The following LAMA2 variants were observed in gnomAD, a reference collection of about 807,000 sequenced individuals.
The protein encoded by LAMA2 is laminin subunit alpha 2.
A neutral mutation model predicts 364.8 loss-of-function variants in LAMA2; 269 were observed. That is an observed-to-expected ratio of 0.74 (90% confidence interval 0.67 to 0.82). The LOEUF is 0.82. Ranked by LOEUF, LAMA2 falls within the 40% of genes least tolerant of loss-of-function variation. The pLI is 0.00. For missense variants in LAMA2, 3,807 were observed against 3,873.2 expected (o/e 0.98, Z 0.45); for synonymous variants, 1,379 against 1,370.6 (o/e 1.01, Z -0.14).
At position 129,339,018 on chromosome 6, in the gene LAMA2, A is replaced by T. The variant is rs140290921; in HGVS notation, c.4312-3325A>T. Among the ~76,000 whole-genome samples, 799 of 152,220 alleles carry T rather than the reference A, an allele frequency of 5.2e-3. 7 individuals are homozygous for T. The highest frequency in any genetic ancestry group is 8.8e-3 in the Non-Finnish European group (598 of 68,010). ...GAAGCTCTTCCTTGCCATGCTAATG[A>T]TTTGTTATTCATCCTGACTGCATTT... On this transcript the variant is annotated intron_variant, in intron 29 of 64. Transcript: ENST00000421865.
At position 129,366,234 on chromosome 6, in the gene LAMA2, G is replaced by T. The variant is rs779858148; in HGVS notation, c.4733G>T (p.Cys1578Phe). ...GWECVFCGDE[C>F]TGLLLGDLAR... Reference sequence around the variant, plus strand: ...TCTTTCACAGTTTGTGGAGATGAGTGCACTGGCCTTCTTCTCGGTGACTTG... The same window carrying T: ...TCTTTCACAGTTTGTGGAGATGAGTTCACTGGCCTTCTTCTCGGTGACTTG... The change falls in exon 33 of 65, where the codon TGC (cysteine) becomes TTC (phenylalanine). Residue 1578 changes from cysteine (C) to phenylalanine (F), a missense_variant. Physicochemically the swap from Cys to Phe is radical, Grantham distance 205 (BLOSUM62 -2). Around this residue, in one of 3 missense-constraint regions of LAMA2, gnomAD observed 3,333 missense variants for 3,345.7 expected, o/e 1.00. Coordinates refer to ENST00000421865, the MANE Select transcript of LAMA2 (RefSeq NM_000426.4). 1 of 1,613,726 alleles carries T rather than the reference G, an allele frequency of 6.2e-7. No individual in the cohort carries two copies. The highest frequency in any genetic ancestry group is 1.1e-5 in the South Asian group (1 of 91,028).
chr6:129,471,764 C>T (rs562844369), intron 51 of LAMA2, among the ~76,000 whole-genome samples: 1 of 152,000 alleles, frequency 6.6e-6, no homozygotes, highest in African/African-American at 2.4e-5. Flanking sequence ...AAAATCTTAA[C>T]TTGCTAGCTA....
intron 8 of LAMA2, among the ~76,000 whole-genome samples, chr6:129,161,665 T>C (rs1009501855): frequency 2.5e-4 from 38 of 152,132 alleles, no homozygotes; most frequent in African/African-American, 9.2e-4. Context: ...CCCACCCTTT[T>C]CAAGCAGGCC....
chr6:129,108,671 G>A (rs1006427648), intron 4 of LAMA2, among the ~76,000 whole-genome samples: 1 of 151,982 alleles, frequency 6.6e-6, no homozygotes, highest in Non-Finnish European at 1.5e-5. Flanking sequence ...AAAGCTAATA[G>A]CAATACAGAA....
chr6:128,905,775 C>A (rs929171055), intron 1 of LAMA2, among the ~76,000 whole-genome samples: 172 of 151,736 alleles, frequency 1.1e-3, no homozygotes, highest in Middle Eastern at 3.4e-3. Flanking sequence ...CCAATGCTAT[C>A]CCTCCCCACT....
intron 1 of LAMA2, among the ~76,000 whole-genome samples, chr6:128,962,185 T>TATATACATATACAC (rs1214826895): frequency 9.6e-6 from 1 of 103,918 alleles, no homozygotes; most frequent in Non-Finnish European, 2.0e-5. Context: ...TATATATATA[T>TATATACATATACAC]ACACACATAC....
At chr6:129,129,785 G>C (rs1040122134) in intron 4 of LAMA2, among the ~76,000 whole-genome samples, 1 of 150,604 alleles carries the variant, frequency 6.6e-6, no homozygotes, top group East Asian at 1.9e-4. Flanking sequence ...TTAGCCAGGC[G>C]TAGTGGCGGG....
chr6:129,158,607 C>A lies in LAMA2; in HGVS notation c.1206+3924C>A, dbSNP rs1158743157. 5 of 1,613,968 alleles carry A rather than the reference C, an allele frequency of 3.1e-6. No individual in the cohort carries two copies. In the South Asian group the frequency reaches 4.4e-5, roughly 14 times the overall value. ...GCAATAATGTTTGTAACAAAAGCAG[C>A]TGGAGAAGATGATCATAGCAATTAT... On this transcript the variant is annotated intron_variant, in intron 8 of 64. Coordinates refer to ENST00000421865, the MANE Select transcript of LAMA2 (RefSeq NM_000426.4).
intron 12 of LAMA2, among the ~76,000 whole-genome samples, chr6:129,220,147 T>C (rs930823003): frequency 3.9e-5 from 6 of 152,174 alleles, no homozygotes; most frequent in Non-Finnish European, 5.9e-5. Context: ...TTTAGACATA[T>C]GAAATATTAT....
At chr6:128,898,842 C>A (rs746422487) in intron 1 of LAMA2, among the ~76,000 whole-genome samples, 15 of 152,154 alleles carry the variant, frequency 9.9e-5, no homozygotes, top group Non-Finnish European at 1.6e-4. Flanking sequence ...CTGTTATTTA[C>A]CAGCAACAGT....
At chr6:129,488,064 C>T (rs1562610435) in intron 56 of LAMA2, among the ~76,000 whole-genome samples, 1 of 152,126 alleles carries the variant, frequency 6.6e-6, no homozygotes, top group Non-Finnish European at 1.5e-5. Context: ...AATCCCAGCA[C>T]TTTGGGAGGC....
intron 49 of LAMA2, among the ~76,000 whole-genome samples, chr6:129,462,521 A>G (rs1035696188): frequency 6.6e-6 from 1 of 151,744 alleles, no homozygotes; most frequent in African/African-American, 2.4e-5. Context: ...CTATATTCAC[A>G]TTTTCCTTTT....
chr6:129,133,197 A>C (rs117413097), intron 4 of LAMA2, among the ~76,000 whole-genome samples: 2,550 of 152,358 alleles, frequency 0.017, 23 homozygotes, highest in Non-Finnish European at 0.029. Flanking sequence ...TAATTTTTTA[A>C]AATTCCTTGT....
chr6:129,086,246 A>G (rs1246825150), intron 3 of LAMA2, among the ~76,000 whole-genome samples: 2 of 152,240 alleles, frequency 1.3e-5, no homozygotes, highest in Non-Finnish European at 2.9e-5. Context: ...TGTTGGTTAG[A>G]TATGTTCACC....
At chr6:129,311,528 A>G (rs766001988) in intron 22 of LAMA2, among the ~76,000 whole-genome samples, 1 of 152,212 alleles carries the variant, frequency 6.6e-6, no homozygotes, top group Admixed American at 6.5e-5. Flanking sequence ...GCCACCGGAT[A>G]CGGAGAAATG....
At chr6:129,180,696 A>G (rs1448590617) in intron 10 of LAMA2, among the ~76,000 whole-genome samples, 3 of 152,166 alleles carry the variant, frequency 2.0e-5, no homozygotes, top group East Asian at 1.9e-4. Flanking sequence ...AAATACAGAT[A>G]TGCTGCATAA....
chr6:129,509,625 G>A (rs187511928), intron 62 of LAMA2, among the ~76,000 whole-genome samples: 29 of 152,166 alleles, frequency 1.9e-4, no homozygotes, highest in Non-Finnish European at 3.2e-4. Flanking sequence ...TTTCCCTAAT[G>A]TATGTTCTTA....
Position 128,893,135 on chromosome 6 carries a change from C to A in LAMA2, c.112+9778C>A, listed in dbSNP as rs563594456. 3.9e-5 allele frequency among the ~76,000 whole-genome samples: 6 copies of A among 151,956 alleles called. No individual in the cohort carries two copies. In the South Asian group the frequency reaches 6.2e-4, roughly 16 times the overall value. On this transcript the variant is annotated intron_variant, in intron 1 of 64. Coordinates refer to ENST00000421865, the MANE Select transcript of LAMA2 (RefSeq NM_000426.4). The stretch of plus-strand genomic sequence containing the variant: ...CCTCTAGCTCTTCCTAAAGAGATTA[C>A]CTTAAACATGGATAAGTCACTTAAC...
chr6:129,437,414 G>T (rs1296152081), intron 41 of LAMA2, among the ~76,000 whole-genome samples: 1 of 151,794 alleles, frequency 6.6e-6, no homozygotes, highest in Non-Finnish European at 1.5e-5. Context: ...TGCTTGTCAG[G>T]CATTACTCTT....
Sources: allele counts gnomAD v4.1 joint callset (sites outside exome capture counted in the v4.1 genomes callset), GRCh38; gene constraint gnomAD v4.1.1; regional missense constraint gnomAD v4.1.1; transcripts MANE v1.5; gene names NCBI Gene and HGNC (gene_info 2026-07-23, HGNC 2026-07-21).